COL6A6: variants seen among roughly 807,000 people sequenced by gnomAD.
COL6A6 encodes collagen alpha-6(VI) chain.
In COL6A6, 183 loss-of-function variants were observed where a neutral mutation model predicts 208.6. The ratio of observed to expected loss-of-function variants is 0.88; its 90% CI spans 0.78 to 0.99. The LOEUF (loss-of-function observed/expected upper bound fraction) is 0.99. Ranked by LOEUF, COL6A6 falls within the 50% of genes least tolerant of loss-of-function variation. The pLI, the probability that COL6A6 is intolerant of heterozygous loss-of-function variation, is 0.00. For synonymous variants in COL6A6, 973 were observed against 1,011.8 expected, an observed-to-expected ratio of 0.96 and a Z score of 0.73; for missense variants, 2,816 against 2,815.2, an observed-to-expected ratio of 1.00 and a Z score of -0.01.
At chr3:130,586,414 T>C in intron 10 of COL6A6, 92 bp from the exon 11 acceptor site, 1 of 1,117,576 alleles carries the variant, frequency 8.9e-7, no homozygotes, top group Non-Finnish European at 1.3e-6. Flanking sequence ...TTCTTGCAGC[T>C]GTTCACTGAG....
intron 1 of COL6A6, among the ~76,000 whole-genome samples, chr3:130,557,512 T>C (rs1215091672): frequency 6.6e-6 from 1 of 152,212 alleles, no homozygotes; most frequent in African/African-American, 2.4e-5. Context: ...AGGGGTTAAA[T>C]AAGCAAATGA....
At chr3:130,566,397 G>C (rs750358296) in intron 4 of COL6A6, among the ~76,000 whole-genome samples, 1 of 152,144 alleles carries the variant, frequency 6.6e-6, no homozygotes, top group Non-Finnish European at 1.5e-5. Context: ...TTGCTAAGCA[G>C]TTATTTACTA....
intron 6 of COL6A6, among the ~76,000 whole-genome samples, chr3:130,569,728 A>C (rs2063114865): frequency 6.6e-6 from 1 of 152,188 alleles, no homozygotes; most frequent in East Asian, 1.9e-4. Flanking sequence ...TAATCCAAGC[A>C]GGCTTCCCAG....
rs377750960 is a variant in COL6A6, at chr3:130,655,386, G to T, written c.5734-3290G>T. ...ACCTACTGGACCCAGTCCAGCTTCT[G>T]CCTGACCCAGTCAGACATCTGAGGC... On this transcript the variant is annotated intron_variant, in intron 33 of 36. Transcript: ENST00000358511. 3.4e-4 allele frequency among the ~76,000 whole-genome samples: 52 copies of T among 152,256 alleles called. 3 individuals are homozygous for T. The South Asian group carries it at 0.011, about 31-fold the overall frequency.
At chr3:130,658,886 T>C in intron 34 of COL6A6, 114 bp downstream of exon 34, 1 of 698,682 alleles carries the variant, frequency 1.4e-6, no homozygotes, top group South Asian at 1.7e-5. Flanking sequence ...TGGGAGGACC[T>C]CTCTGGGGTT....
intron 20 of COL6A6, 37 bp downstream of exon 20, chr3:130,599,847 G>T: frequency 6.2e-7 from 1 of 1,602,830 alleles, no homozygotes; most frequent in Non-Finnish European, 8.5e-7. Flanking sequence ...CCACTGTTTT[G>T]GTGGCTCATG....
At chr3:130,673,874 T>C (rs867851380) in intron 36 of COL6A6, among the ~76,000 whole-genome samples, 2 of 152,256 alleles carry the variant, frequency 1.3e-5, no homozygotes, top group Middle Eastern at 3.4e-3. Flanking sequence ...GGAAGATCAC[T>C]TGAGCCCAGG....
chr3:130,621,950 A>G (rs1007473138), intron 24 of COL6A6, 67 bp downstream of exon 24: 2 of 1,335,688 alleles, frequency 1.5e-6, no homozygotes, highest in African/African-American at 2.9e-5. Context: ...GTCTAATTGT[A>G]TTAGCCAGGG....
At chr3:130,612,554 A>C (rs2064390453) in intron 23 of COL6A6, among the ~76,000 whole-genome samples, 1 of 152,210 alleles carries the variant, frequency 6.6e-6, no homozygotes, top group African/African-American at 2.4e-5. Context: ...AACTGCGTTT[A>C]ACACTACAAA....
At chr3:130,674,127 T>A (rs1316962178) in intron 36 of COL6A6, among the ~76,000 whole-genome samples, 1 of 152,226 alleles carries the variant, frequency 6.6e-6, no homozygotes, top group Non-Finnish European at 1.5e-5. Flanking sequence ...AGAATGTGTT[T>A]GAACCCAAAA....
intron 1 of COL6A6, among the ~76,000 whole-genome samples, chr3:130,546,611 C>G (rs530716321): frequency 4.6e-5 from 7 of 152,180 alleles, no homozygotes; most frequent in Non-Finnish European, 1.0e-4. Context: ...GTCCATTTTA[C>G]AGAGAGCTAA....
intron 33 of COL6A6, among the ~76,000 whole-genome samples, chr3:130,652,222 T>C (rs1234923134): frequency 6.6e-6 from 1 of 152,218 alleles, no homozygotes; most frequent in Non-Finnish European, 1.5e-5. Context: ...AGAGCAGTTC[T>C]TTGCAACAGG....
Position 130,598,495 on chromosome 3 carries a change from A to G in COL6A6, c.4599+65A>G, listed in dbSNP as rs1232990591. 5.2e-6 allele frequency: 6 copies of G among 1,148,976 alleles called. No individual in the cohort carries two copies. In the East Asian group the frequency reaches 1.5e-4, roughly 29 times the overall value. The allele number at this position is 1,148,976 out of a possible 1,614,324, so 71.2% of individuals were successfully genotyped here. On this transcript the variant is annotated intron_variant, in intron 19 of 36. Coordinates refer to ENST00000358511, the MANE Select transcript of COL6A6 (RefSeq NM_001102608.3). ...TGGGGCTTAAGTTCTTGTTGGTAGA[A>G]TGTGAAATGCTTAACAAAAAAACTG...
At chr3:130,554,321 A>G (rs191103332) in intron 1 of COL6A6, among the ~76,000 whole-genome samples, 241 of 152,222 alleles carry the variant, frequency 1.6e-3, no homozygotes, top group Admixed American at 5.7e-3. Context: ...CACAGTGGCA[A>G]TGGTGTTGAC....
At chr3:130,607,053 C>A (rs2064204306) in intron 21 of COL6A6, 87 bp downstream of exon 21, 1 of 1,081,264 alleles carries the variant, frequency 9.2e-7, no homozygotes, top group Non-Finnish European at 1.3e-6. Flanking sequence ...AGTCTCTAAA[C>A]TTCCCTTTTT....
chr3:130,546,079 C>G (rs1417553246), intron 1 of COL6A6, among the ~76,000 whole-genome samples: 1 of 152,184 alleles, frequency 6.6e-6, no homozygotes, highest in African/African-American at 2.4e-5. Flanking sequence ...CTCAGACATT[C>G]ATTCCTCAGT....
intron 23 of COL6A6, among the ~76,000 whole-genome samples, chr3:130,618,865 A>G (rs1014223859): frequency 2.0e-5 from 3 of 152,258 alleles, no homozygotes; most frequent in Non-Finnish European, 4.4e-5. Context: ...GTAACTACAC[A>G]TGAAATAATC....
chr3:130,609,090 A>G lies in COL6A6; in HGVS notation c.4752+126A>G, dbSNP rs1053411889. ...TTCCATGTTTAAAGTTCTCATGGTA[A>G]TAAAGTAAGGAAGCAACACAGTTTG... On this transcript the variant is annotated intron_variant, in intron 22 of 36. Transcript: ENST00000358511. The G allele has an allele frequency of 1.6e-5, 11 of 704,270 alleles. No homozygotes were observed. The Admixed American group carries it at 2.4e-4, about 16-fold the overall frequency. The allele number at this position is 704,270 out of a possible 1,614,324, so 43.6% of individuals were successfully genotyped here.
intron 1 of COL6A6, among the ~76,000 whole-genome samples, chr3:130,552,026 T>G (rs2107803916): frequency 6.6e-6 from 1 of 152,276 alleles, no homozygotes; most frequent in Admixed American, 6.5e-5. Context: ...GTGTGGTTGG[T>G]GTGATTTTAG....
Sources: gnomAD v4.1 joint callset for allele counts (sites outside exome capture counted in the v4.1 genomes callset) on GRCh38, gnomAD v4.1.1 for gene constraint, MANE v1.5 for transcripts, NCBI Gene and HGNC (gene_info 2026-07-23, HGNC 2026-07-21) for gene names.